The following PPM1A variants were observed in gnomAD, a reference collection of about 807,000 sequenced individuals.
PPM1A encodes the protein protein phosphatase 1A.
In PPM1A, 7 loss-of-function variants were observed where a neutral mutation model predicts 35.0. That is an observed-to-expected ratio of 0.20 (90% CI 0.11 to 0.38). The LOEUF is 0.38. Ranked by LOEUF, PPM1A falls within the 10% of genes least tolerant of loss-of-function variation. The pLI is 1.00. For synonymous variants in PPM1A, 153 were observed against 167.3 expected (o/e 0.91, Z 0.66); for missense variants, 239 against 467.8 (o/e 0.51, Z 4.51).
At chr14:60,260,163 T>TA (rs1883583316) in intron 1 of PPM1A, among the ~76,000 whole-genome samples, 1 of 152,122 alleles carries the variant, frequency 6.6e-6, no homozygotes, top group East Asian at 1.9e-4. Flanking sequence ...TTACCCGACT[T>TA]ACTTTAGTTG....
intron 2 of PPM1A, among the ~76,000 whole-genome samples, chr14:60,285,137 C>T (rs1029325030): frequency 1.9e-4 from 29 of 152,132 alleles, no homozygotes; most frequent in Admixed American, 3.9e-4. Context: ...ACTTATGAAG[C>T]GAATGTATTA....
rs1886470683 is a variant in PPM1A at position 60,282,111 on chromosome 14, A to G, written c.-20-573A>G. Among the ~76,000 whole-genome samples the G allele has an allele frequency of 6.6e-6, 1 of 152,214 alleles. No homozygotes were observed. ...TTTTTTCTATAAATAGGATGAGGCAAGAGTTTCCAGTTAAGGAAACTGACA... is the reference window on the plus strand; with the variant it reads ...TTTTTTCTATAAATAGGATGAGGCAGGAGTTTCCAGTTAAGGAAACTGACA... On this transcript the variant is annotated intron_variant, in intron 1 of 5. Transcript: ENST00000395076. The surrounding 1 kb of genome is among the most constrained non-coding windows in gnomAD (Gnocchi z 5.1).
intron 1 of PPM1A, chr14:60,268,334 T>G: frequency 2.1e-6 from 2 of 967,504 alleles, no homozygotes; most frequent in Non-Finnish European, 2.5e-6. Context: ...AAAAAAAAAA[T>G]TTGTTTTCCG....
At chr14:60,279,999 T>G (rs1171133030) in intron 1 of PPM1A, among the ~76,000 whole-genome samples, 2 of 152,210 alleles carry the variant, frequency 1.3e-5, no homozygotes, top group Admixed American at 1.3e-4. Context: ...GGTTAGTGCC[T>G]TCTTATATAC....
intron 1 of PPM1A, among the ~76,000 whole-genome samples, chr14:60,252,530 AGAG>A (rs1382810765): frequency 6.6e-6 from 1 of 152,194 alleles, no homozygotes; most frequent in Non-Finnish European, 1.5e-5. Flanking sequence ...ACCTTGGAGA[AGAG>A]GAGAAGGTAT....
intron 1 of PPM1A, among the ~76,000 whole-genome samples, chr14:60,268,941 C>CT (rs767187097): frequency 0.045 from 5,746 of 128,596 alleles, 142 homozygotes; most frequent in Middle Eastern, 0.081. Context: ...ATTTCATTTT[C>CT]TTTTTTTTTT....
Position 60,289,738 on chromosome 14 carries a change from C to G in PPM1A, c.953-68C>G. On this transcript the variant is annotated intron_variant, in intron 3 of 5. Transcript: ENST00000395076. This position sits in a 1 kb window ranked among gnomAD's most constrained non-coding sequence, Gnocchi z 4.1. ...TGCCATCTTTAAAAAGCTAGGTTAT[C>G]TTTGTTTCGGTTTTCTTTTCAATTA... 9.7e-7 allele frequency: 1 copy of G among 1,027,534 alleles called. No homozygotes were observed. Among genetic ancestry groups the G allele is most frequent in the Non-Finnish European group, 1.5e-6 (1 of 676,440 alleles). The allele number at this position is 1,027,534 out of a possible 1,614,324, so 63.7% of individuals were successfully genotyped here.
At position 60,283,658 on chromosome 14, in the gene PPM1A, T is replaced by C. The variant is rs139431448; in HGVS notation, c.834+121T>C. On this transcript the variant is annotated intron_variant, in intron 2 of 5. Transcript: ENST00000395076. The surrounding 1 kb of genome is among the most constrained non-coding windows in gnomAD (Gnocchi z 6.3). Reference sequence around the variant, plus strand: ...AGTTTTTGGCACAACTGTAGGATACTGTTCACCAATTATGAAAATATATCA... The same window carrying C: ...AGTTTTTGGCACAACTGTAGGATACCGTTCACCAATTATGAAAATATATCA... 9.7e-6 allele frequency: 9 copies of C among 924,464 alleles called. No individual in the cohort carries two copies. Among genetic ancestry groups the C allele is most frequent in the Non-Finnish European group, 1.4e-5 (9 of 628,658 alleles). The allele number at this position is 924,464 out of a possible 1,614,324, so 57.3% of individuals were successfully genotyped here. A position where few individuals can be genotyped will look rare whatever the true frequency, so the allele number is the denominator to read the frequency against.
intron 1 of PPM1A, among the ~76,000 whole-genome samples, chr14:60,267,878 T>C (rs1480402764): frequency 1.3e-5 from 2 of 152,152 alleles, no homozygotes; most frequent in African/African-American, 4.8e-5. Flanking sequence ...TTTTGTTATT[T>C]TTTAGTTTTG....
chr14:60,286,195 A>G (rs527867051), intron 3 of PPM1A: 2 of 986,148 alleles, frequency 2.0e-6, no homozygotes, highest in South Asian at 9.4e-5. Flanking sequence ...CAGCCTCATC[A>G]TTAGCAACTT....
intron 2 of PPM1A, among the ~76,000 whole-genome samples, chr14:60,285,067 A>G (rs1037635507): frequency 3.3e-5 from 5 of 152,208 alleles, no homozygotes; most frequent in Middle Eastern, 3.2e-3. Flanking sequence ...TTTAAAATTA[A>G]TACAAGTTAA....
rs1887460053 is a variant in PPM1A, at chr14:60,289,978, G to A, written c.1061+64G>A. 8.7e-7 allele frequency: 1 copy of A among 1,144,346 alleles called. No homozygotes were observed. The highest frequency in any genetic ancestry group is 3.0e-5 in the Admixed American group (1 of 33,132). The allele number at this position is 1,144,346 out of a possible 1,614,324, so 70.9% of individuals were successfully genotyped here. On this transcript the variant is annotated intron_variant, in intron 4 of 5. Coordinates refer to ENST00000395076, the MANE Select transcript of PPM1A (RefSeq NM_021003.5). The surrounding 1 kb of genome is among the most constrained non-coding windows in gnomAD (Gnocchi z 4.1). ...TGTATGAAAATGTTAGGTATTCATT[G>A]ATAAAATGTTTGTTTGCCTAATTTC...
chr14:60,296,935 T>C lies in PPM1A; in HGVS notation c.*4453T>C. On this transcript the variant is annotated 3_prime_UTR_variant, in exon 6 of 6. Transcript: ENST00000395076. This position sits in a 1 kb window ranked among gnomAD's most constrained non-coding sequence, Gnocchi z 4.4. ...CTTCTGCTCTCACTGTTTTCCTATT[T>C]ATATTACTAGCAGGTAGGAGTGCTA... is the stretch of plus-strand genomic sequence containing the variant. 3.7e-6 allele frequency: 1 copy of C among 268,174 alleles called. No homozygotes were observed. Among genetic ancestry groups the C allele is most frequent in the Non-Finnish European group, 6.9e-6 (1 of 144,850 alleles). 16.6% of individuals were successfully genotyped at this position (268,174 alleles called of 1,614,324 possible). A position where few individuals can be genotyped will look rare whatever the true frequency, so the allele number is the denominator to read the frequency against.
intron 1 of PPM1A, among the ~76,000 whole-genome samples, chr14:60,272,367 T>C (rs1237175769): frequency 1.3e-5 from 2 of 151,190 alleles, no homozygotes; most frequent in Admixed American, 1.3e-4. Context: ...CAGGAATGTG[T>C]GTACACTAGG....
chr14:60,287,947 T>C, intron 3 of PPM1A: 1 of 985,098 alleles, frequency 1.0e-6, no homozygotes, highest in Non-Finnish European at 1.2e-6. Context: ...TGTATATGTA[T>C]GTGAAACATG....
intron 1 of PPM1A, among the ~76,000 whole-genome samples, chr14:60,261,305 T>A (rs1883717259): frequency 6.6e-6 from 1 of 152,056 alleles, no homozygotes; most frequent in Non-Finnish European, 1.5e-5. Context: ...TGGAGGCTGT[T>A]TTAAGAGGGA....
chr14:60,253,479 T>A (rs144436512), intron 1 of PPM1A, among the ~76,000 whole-genome samples: 1 of 152,262 alleles, frequency 6.6e-6, no homozygotes, highest in African/African-American at 2.4e-5. Flanking sequence ...TTCAAGATAT[T>A]ACTGAGTGGA....
chr14:60,283,390 A>G lies in PPM1A; in HGVS notation c.687A>G (p.Glu229=). The G allele has an allele frequency of 6.2e-7, 1 of 1,614,236 alleles. No individual in the cohort carries two copies. Among genetic ancestry groups the G allele is most frequent in the Non-Finnish European group, 8.5e-7 (1 of 1,180,040 alleles). ...PEVHDIERSE[E]DDQFIILACD... ...TCCATGATATTGAAAGATCTGAAGA[A>G]GATGATCAGTTCATTATCCTTGCAT... Residue 229 remains glutamate (E), a synonymous_variant, in exon 2 of 6, where the codon GAA becomes GAG. Transcript: ENST00000395076. This position sits in a 1 kb window ranked among gnomAD's most constrained non-coding sequence, Gnocchi z 6.3.
Position 60,283,036 on chromosome 14 carries a change from C to T in PPM1A, c.333C>T (p.His111=), listed in dbSNP as rs767914442. 5 of 1,614,108 alleles carry T rather than the reference C, an allele frequency of 3.1e-6. No homozygotes were observed. Among genetic ancestry groups the T allele is most frequent in the Non-Finnish European group, 4.2e-6 (5 of 1,180,046 alleles). Residue 111 remains histidine (H), a synonymous_variant, in exon 2 of 6, where the codon CAC becomes CAT. Transcript: ENST00000395076. The surrounding 1 kb of genome is among the most constrained non-coding windows in gnomAD (Gnocchi z 6.3). ...IRTGFLEIDE[H]MRVMSEKKHG... ...CAGGTTTTCTGGAGATTGATGAACA[C>T]ATGAGAGTTATGTCAGAGAAGAAAC... is the stretch of plus-strand genomic sequence containing the variant.
Sources: gnomAD v4.1 joint callset for allele counts (sites outside exome capture counted in the v4.1 genomes callset) on GRCh38, gnomAD v4.1.1 for gene constraint, Gnocchi (gnomAD v3.1) non-coding constraint, MANE v1.5 for transcripts, NCBI Gene and HGNC (gene_info 2026-07-23, HGNC 2026-07-21) for gene names.